Variants in VPS45 observed in about 807,000 individuals in gnomAD.
The protein encoded by VPS45 is vacuolar protein sorting 45 homolog, also known as vacuolar protein sorting-associated protein 45.
Under a neutral mutation model 75.9 loss-of-function variants are expected in VPS45, and 35 were observed. The observed-to-expected ratio is 0.46, with a 90% CI of 0.35 to 0.61. VPS45 has a LOEUF of 0.61. Among genes scored for constraint, VPS45 ranks in the 20% least tolerant of loss-of-function variants. The probability of loss-of-function intolerance (pLI) is 0.00; values close to 1 mark genes in which losing one functional copy is unlikely to be tolerated. For synonymous variants in VPS45, 220 were observed against 238.2 expected (o/e 0.92, Z 0.70); for missense variants, 559 against 685.9 (o/e 0.81, Z 2.07).
chr1:150,102,516 T>TC (rs1657095732), intron 13 of VPS45, among the ~76,000 whole-genome samples: 1 of 147,152 alleles, frequency 6.8e-6, no homozygotes, highest in Non-Finnish European at 1.5e-5. Flanking sequence ...GCCCTTGCAT[T>TC]CCAGCCTGGG....
chr1:150,095,925 G>T (rs1476036827), intron 13 of VPS45, among the ~76,000 whole-genome samples: 1 of 152,150 alleles, frequency 6.6e-6, no homozygotes, highest in East Asian at 1.9e-4. Context: ...GGTAAGAATG[G>T]ATTATTGAAG....
chr1:150,075,770 GATGGA>G (rs1655338927), intron 3 of VPS45, among the ~76,000 whole-genome samples: 1 of 152,030 alleles, frequency 6.6e-6, no homozygotes, highest in Admixed American at 6.6e-5. Context: ...CAATTCCTCC[GATGGA>G]GTCTTCCTCT....
chr1:150,095,982 C>G (rs1656628178), intron 13 of VPS45, among the ~76,000 whole-genome samples: 1 of 151,834 alleles, frequency 6.6e-6, no homozygotes, highest in African/African-American at 2.4e-5. Context: ...ATGCAGTAGT[C>G]CAGGTGAGAA....
chr1:150,103,881 G>C (rs1408004745), intron 13 of VPS45, among the ~76,000 whole-genome samples: 1 of 152,102 alleles, frequency 6.6e-6, no homozygotes, highest in Non-Finnish European at 1.5e-5. Flanking sequence ...TAGTCACCAA[G>C]ATGGTCACTG....
intron 10 of VPS45, chr1:150,083,437 G>T (rs587696699): frequency 6.6e-6 from 1 of 152,084 alleles, no homozygotes; most frequent in South Asian, 2.1e-4. Context: ...TTACAGTAGG[G>T]GAGAAAGAAA....
intron 13 of VPS45, among the ~76,000 whole-genome samples, chr1:150,096,403 A>C (rs1297502600): frequency 6.6e-6 from 1 of 152,202 alleles, no homozygotes; most frequent in Non-Finnish European, 1.5e-5. Flanking sequence ...TTATTGGATA[A>C]AGATATTTTG....
intron 14 of VPS45, among the ~76,000 whole-genome samples, chr1:150,126,230 A>G (rs997224282): frequency 5.7e-4 from 87 of 151,486 alleles, no homozygotes; most frequent in Non-Finnish European, 1.0e-3. Context: ...TGTTTTTTTG[A>G]GACAGAGCCT....
chr1:150,093,504 A>C, intron 12 of VPS45, 23 bp from the exon 13 acceptor site: 1 of 1,603,360 alleles, frequency 6.2e-7, no homozygotes, highest in Non-Finnish European at 8.5e-7. Flanking sequence ...AAATGACATA[A>C]GAACCATTTT....
chr1:150,141,702 C>CT (rs1209962186), intron 14 of VPS45, among the ~76,000 whole-genome samples: 6 of 152,186 alleles, frequency 3.9e-5, no homozygotes, highest in African/African-American at 1.4e-4. Flanking sequence ...TTAATCCACT[C>CT]TGTTAGTTTC....
At chr1:150,084,314 G>A (rs1655889058) in intron 10 of VPS45, among the ~76,000 whole-genome samples, 1 of 152,106 alleles carries the variant, frequency 6.6e-6, no homozygotes, top group Admixed American at 6.6e-5. Flanking sequence ...AGGTGAGGAA[G>A]GCAGTATTTT....
chr1:150,085,806 A>G (rs1472443720), intron 10 of VPS45, among the ~76,000 whole-genome samples: 1 of 152,174 alleles, frequency 6.6e-6, no homozygotes, highest in Non-Finnish European at 1.5e-5. Context: ...TTTGTAGGCT[A>G]ATGAAAATTT....
chr1:150,124,434 G>A (rs1260195024), intron 14 of VPS45, among the ~76,000 whole-genome samples: 1 of 151,090 alleles, frequency 6.6e-6, no homozygotes, highest in Non-Finnish European at 1.5e-5. Flanking sequence ...ACTCCAGCCT[G>A]GGTGAGAGAC....
chr1:150,094,424 CAT>C (rs1553802657), intron 13 of VPS45, among the ~76,000 whole-genome samples: 1 of 151,862 alleles, frequency 6.6e-6, no homozygotes, highest in African/African-American at 2.4e-5. Flanking sequence ...GTTTTATAAA[CAT>C]AATGAGATTC....
chr1:150,087,100 C>G (rs782083360), intron 10 of VPS45, among the ~76,000 whole-genome samples: 7 of 151,880 alleles, frequency 4.6e-5, no homozygotes, highest in African/African-American at 9.7e-5. Context: ...TAGAAGAAAA[C>G]AGAAAAGTAA....
intron 14 of VPS45, among the ~76,000 whole-genome samples, chr1:150,142,084 A>G (rs1291391111): frequency 2.6e-5 from 4 of 152,152 alleles, no homozygotes; most frequent in African/African-American, 7.2e-5. Flanking sequence ...AGAGTCCCCA[A>G]ATAGTTTTTT....
At chr1:150,119,682 A>C (rs1017543834) in intron 14 of VPS45, among the ~76,000 whole-genome samples, 3 of 152,220 alleles carry the variant, frequency 2.0e-5, no homozygotes, top group African/African-American at 7.2e-5. Flanking sequence ...TACCCCAATA[A>C]ACAGGAAAGA....
At chr1:150,129,353 AG>A (rs1339061380) in intron 14 of VPS45, among the ~76,000 whole-genome samples, 16 of 152,294 alleles carry the variant, frequency 1.1e-4, no homozygotes, top group African/African-American at 3.8e-4. Flanking sequence ...TTAAAAAAAT[AG>A]CTTTTCATTT....
chr1:150,101,359 G>A (rs1232173133), intron 13 of VPS45, among the ~76,000 whole-genome samples: 1 of 151,466 alleles, frequency 6.6e-6, no homozygotes, highest in Admixed American at 6.6e-5. Context: ...AAAAAACTCA[G>A]TATCACTGAT....
At chr1:150,131,732 G>A (rs942764531) in intron 14 of VPS45, among the ~76,000 whole-genome samples, 4 of 150,678 alleles carry the variant, frequency 2.7e-5, no homozygotes, top group Middle Eastern at 3.4e-3. Flanking sequence ...TGTAGTCCCA[G>A]CTACTTGGGA....
Sources: gnomAD v4.1 joint callset for allele counts (sites outside exome capture counted in the v4.1 genomes callset) on GRCh38, gnomAD v4.1.1 for gene constraint, MANE v1.5 for transcripts, NCBI Gene and HGNC (gene_info 2026-07-23, HGNC 2026-07-21) for gene names.